The following PDCD2L variants were observed in gnomAD, a reference collection of about 807,000 sequenced individuals.
PDCD2L encodes the protein uS5 assembly chaperone PDCD2L.
PDCD2L carries 44 observed loss-of-function variants against 40.4 expected under a neutral mutation model. That is an observed-to-expected ratio of 1.09 (90% CI 0.86 to 1.40). PDCD2L has a LOEUF of 1.40. Among genes scored for constraint, PDCD2L ranks in the 40% most tolerant of loss-of-function variants. The probability of loss-of-function intolerance (pLI) is 0.00; values close to 1 mark genes in which losing one functional copy is unlikely to be tolerated. For missense variants in PDCD2L, 470 were observed against 453.7 expected, an observed-to-expected ratio of 1.04 and a Z score of -0.33; for synonymous variants, 194 against 174.6, an observed-to-expected ratio of 1.11 and a Z score of -0.88.
At chr19:34,407,895 G>A (rs1424485859) in intron 3 of PDCD2L, among the ~76,000 whole-genome samples, 1 of 152,166 alleles carries the variant, frequency 6.6e-6, no homozygotes. Flanking sequence ...CTGTAAATGT[G>A]TCTTTATATA....
At chr19:34,414,376 C>A (rs893271158) in intron 5 of PDCD2L, among the ~76,000 whole-genome samples, 1 of 150,490 alleles carries the variant, frequency 6.6e-6, no homozygotes, top group Non-Finnish European at 1.5e-5. Flanking sequence ...GGGGTTTCAC[C>A]ATGTTGGCCA....
chr19:34,413,926 T>C, intron 5 of PDCD2L, 79 bp downstream of exon 5: 1 of 969,156 alleles, frequency 1.0e-6, no homozygotes. Flanking sequence ...CACAGGAAAA[T>C]ATGAGAAAAG....
At chr19:34,422,820 A>G (rs930391223) in intron 6 of PDCD2L, among the ~76,000 whole-genome samples, 2 of 151,352 alleles carry the variant, frequency 1.3e-5, no homozygotes, top group Admixed American at 6.6e-5. Context: ...GGTTCATGCC[A>G]TTCTCCTGCC....
At position 34,421,851 on chromosome 19, in the gene PDCD2L, A is replaced by T. The variant is rs1186575115; in HGVS notation, c.946+184A>T. ...ATGCCTGTAATCCCAGCACTTTGGG[A>T]GGCCAAGGCGGGTGGATCACAAGGT... On this transcript the variant is annotated intron_variant, in intron 6 of 6. Coordinates refer to ENST00000246535, the MANE Select transcript of PDCD2L (RefSeq NM_032346.2). 1.5e-5 allele frequency: 9 copies of T among 585,364 alleles called. No individual in the cohort carries two copies. In the Admixed American group the frequency reaches 3.2e-4, roughly 21 times the overall value. The allele number at this position is 585,364 out of a possible 1,614,324, so 36.3% of individuals were successfully genotyped here.
chr19:34,421,731 A>G (rs1249030621), intron 6 of PDCD2L, 64 bp downstream of exon 6: 1 of 1,499,258 alleles, frequency 6.7e-7, no homozygotes, highest in African/African-American at 1.4e-5. Context: ...TAAATGAAAA[A>G]CCTTTTGTTT....
rs769166653 is a variant in PDCD2L, at chr19:34,426,106, T to A, written c.1063T>A (p.Leu355Ile). Reference sequence around the variant, plus strand: ...TATTATACAAGAAGACCCAGATGAATTATTGTTTAAGTAGAGCATTTCCTT... The same window carrying A: ...TATTATACAAGAAGACCCAGATGAAATATTGTTTAAGTAGAGCATTTCCTT... ...FCIIQEDPDE[L>I]LFK The change falls in exon 7 of 7, where the codon TTA (leucine) becomes ATA (isoleucine). Residue 355 changes from leucine (L) to isoleucine (I), a missense_variant. Coordinates refer to ENST00000246535, the MANE Select transcript of PDCD2L (RefSeq NM_032346.2). The A allele has an allele frequency of 1.3e-6, 2 of 1,577,886 alleles. No homozygotes were observed. Among genetic ancestry groups the A allele is most frequent in the Non-Finnish European group, 1.7e-6 (2 of 1,148,310 alleles).
chr19:34,411,890 A>ACTT (rs1355538993), intron 4 of PDCD2L, among the ~76,000 whole-genome samples: 1 of 147,968 alleles, frequency 6.8e-6, no homozygotes, highest in African/African-American at 2.5e-5. Flanking sequence ...CCTAACCTCA[A>ACTT]GTGACCCACT....
At chr19:34,416,602 T>C (rs2075127484) in intron 5 of PDCD2L, among the ~76,000 whole-genome samples, 1 of 152,146 alleles carries the variant, frequency 6.6e-6, no homozygotes, top group Admixed American at 6.6e-5. Flanking sequence ...AAATGGACAG[T>C]ACTCTTAGAG....
In PDCD2L at chr19:34,413,170, C is replaced by A. The variant is rs1309429261; in HGVS notation, c.687-567C>A. Among the ~76,000 whole-genome samples the A allele has an allele frequency of 3.3e-5, 5 of 152,146 alleles. No homozygotes were observed. In the South Asian group the frequency reaches 1.0e-3, roughly 32 times the overall value. ...TCTCCTGCCTCAGCCTCCCAAGGAGCTGGGATTACAGGCGCCCGCCACCAC... is the reference window on the plus strand; with the variant it reads ...TCTCCTGCCTCAGCCTCCCAAGGAGATGGGATTACAGGCGCCCGCCACCAC... On this transcript the variant is annotated intron_variant, in intron 4 of 6. Transcript: ENST00000246535.
intron 6 of PDCD2L, among the ~76,000 whole-genome samples, chr19:34,425,083 T>C (rs1015447565): frequency 2.0e-5 from 3 of 152,156 alleles, no homozygotes; most frequent in African/African-American, 7.2e-5. Context: ...GTATTTCTCC[T>C]TTGCTGCTGC....
chr19:34,416,125 T>C (rs1288090545), intron 5 of PDCD2L, among the ~76,000 whole-genome samples: 1 of 152,206 alleles, frequency 6.6e-6, no homozygotes, highest in Admixed American at 6.6e-5. Flanking sequence ...TTCACCATGT[T>C]GGCCAGGATG....
At chr19:34,411,944 C>T (rs572984077) in intron 4 of PDCD2L, among the ~76,000 whole-genome samples, 10 of 133,736 alleles carry the variant, frequency 7.5e-5, no homozygotes, top group South Asian at 7.2e-4. Flanking sequence ...CGTGAGCCAC[C>T]GCACCCAGAT....
chr19:34,413,327 ATTTTTTTT>A (rs34915589), intron 4 of PDCD2L, among the ~76,000 whole-genome samples: 1 of 98,820 alleles, frequency 1.0e-5, no homozygotes, highest in African/African-American at 4.3e-5. Flanking sequence ...GGCGTGATTG[ATTTTTTTT>A]TTTTTTTTTT....
At chr19:34,421,400 G>T in intron 5 of PDCD2L, 119 bp from the exon 6 acceptor site, 5 of 1,192,622 alleles carry the variant, frequency 4.2e-6, no homozygotes, top group Non-Finnish European at 6.0e-6. Context: ...ATGGTGCTAG[G>T]TTTTTGGGCC....
At chr19:34,421,694 T>A (rs777667206) in intron 6 of PDCD2L, 27 bp downstream of exon 6, 2 of 1,565,084 alleles carry the variant, frequency 1.3e-6, no homozygotes, top group African/African-American at 2.7e-5. Flanking sequence ...TAATTTGAGT[T>A]TGTGGATTTC....
At chr19:34,425,867 C>T in intron 6 of PDCD2L, 123 bp from the exon 7 acceptor site, 1 of 900,740 alleles carries the variant, frequency 1.1e-6, no homozygotes, top group Non-Finnish European at 1.7e-6. Context: ...TAGCTGAAAG[C>T]AGTAAGCACT....
intron 5 of PDCD2L, chr19:34,421,306 C>G: frequency 1.2e-5 from 7 of 566,356 alleles, no homozygotes; most frequent in South Asian, 8.9e-5. Flanking sequence ...TACCTAGATT[C>G]AGTTGAACAT....
At chr19:34,417,080 C>A (rs1045250188) in intron 5 of PDCD2L, among the ~76,000 whole-genome samples, 2 of 152,038 alleles carry the variant, frequency 1.3e-5, no homozygotes, top group African/African-American at 4.8e-5. Flanking sequence ...TGCCACTGCA[C>A]TCCAGCCTGG....
intron 5 of PDCD2L, among the ~76,000 whole-genome samples, chr19:34,414,947 C>T (rs1009997971): frequency 4.6e-5 from 7 of 151,814 alleles, no homozygotes; most frequent in African/African-American, 1.7e-4. Context: ...AGTGTGCCAC[C>T]ATGTTTGGCT....
Sources: allele counts gnomAD v4.1 joint callset (sites outside exome capture counted in the v4.1 genomes callset), GRCh38; gene constraint gnomAD v4.1.1; transcripts MANE v1.5; gene names NCBI Gene and HGNC (gene_info 2026-07-23, HGNC 2026-07-21).